The following SMG1 variants were observed in gnomAD, a reference collection of about 807,000 sequenced individuals.
SMG1 encodes the protein serine/threonine-protein kinase SMG1.
A neutral mutation model predicts 419.9 loss-of-function variants in SMG1; 22 were observed. That is an observed-to-expected ratio of 0.05 (90% CI 0.04 to 0.07). The LOEUF is 0.07. SMG1 is among the 10% of genes least tolerant of loss of function. The pLI is 1.00. For missense variants in SMG1, 3,185 were observed against 4,342.0 expected (o/e 0.73, Z 7.49); for synonymous variants, 1,538 against 1,553.5 (o/e 0.99, Z 0.23).
chr16:18,895,347 C>T (rs1300543517), intron 3 of SMG1, among the ~76,000 whole-genome samples: 1 of 152,012 alleles, frequency 6.6e-6, no homozygotes, highest in African/African-American at 2.4e-5. Context: ...GGTGTGGTGG[C>T]ATGCACCTGT....
At chr16:18,843,626 AAC>A (rs1349177699) in intron 39 of SMG1, among the ~76,000 whole-genome samples, 3 of 152,202 alleles carry the variant, frequency 2.0e-5, no homozygotes, top group African/African-American at 7.2e-5. Flanking sequence ...TAGCTACACA[AAC>A]ACACACACAA....
In SMG1 at chr16:18,859,649, T is replaced by C. The variant is rs770424285; in HGVS notation, c.3860A>G (p.Lys1287Arg). ...MLSPDPRELQ[K>R]SIEVQLLRSS... ...TCTTAACAATTGAACTTCAATGGAT[T>C]TCTGAAGTTCCCTCGGATCCGGACT... Residue 1287 changes from lysine to arginine, a missense_variant, in exon 27 of 63, where the codon AAA becomes AGA. Physicochemically the swap from Lys to Arg is conservative, Grantham distance 26 (BLOSUM62 2). Around this residue, in one of 27 missense-constraint regions of SMG1, gnomAD observed 120 missense variants for 193.3 expected, o/e 0.62. Transcript: ENST00000446231. 9 of 1,613,468 alleles carry C rather than the reference T, an allele frequency of 5.6e-6. No individual in the cohort carries two copies. Among genetic ancestry groups the C allele is most frequent in the Non-Finnish European group, 7.6e-6 (9 of 1,179,546 alleles).
intron 23 of SMG1, among the ~76,000 whole-genome samples, chr16:18,865,905 A>G (rs185018140): frequency 6.5e-4 from 99 of 151,966 alleles, no homozygotes; most frequent in African/African-American, 2.3e-3. Context: ...CAGGTGATCC[A>G]CCTGCCTCAG....
rs139420508 is a variant in SMG1, at chr16:18,862,915, C to T, written c.3695+735G>A. On this transcript the variant is annotated intron_variant, in intron 25 of 62. Transcript: ENST00000446231. Reference sequence around the variant, plus strand: ...GCCAAAGGGCATCCTGATGGGCATGCCTTGACCTTGTGTCTTCCCTCCCAA... The same window carrying T: ...GCCAAAGGGCATCCTGATGGGCATGTCTTGACCTTGTGTCTTCCCTCCCAA... Among the ~76,000 whole-genome samples the T allele has an allele frequency of 3.0e-4, 45 of 152,336 alleles. No individual in the cohort carries two copies. In the East Asian group the frequency reaches 7.7e-3, roughly 26 times the overall value.
chr16:18,832,249 C>T (rs2033236968), intron 51 of SMG1, among the ~76,000 whole-genome samples: 1 of 152,140 alleles, frequency 6.6e-6, no homozygotes, highest in Non-Finnish European at 1.5e-5. Flanking sequence ...TCACTAGGCA[C>T]AAAGAAGCTT....
intron 49 of SMG1, 71 bp from the exon 50 acceptor site, chr16:18,834,509 G>A (rs1032358504): frequency 7.1e-7 from 1 of 1,409,672 alleles, no homozygotes; most frequent in South Asian, 1.3e-5. Flanking sequence ...GCCGGGTCAA[G>A]GCCATGCCTG....
At chr16:18,881,394 C>T (rs188528340) in intron 10 of SMG1, among the ~76,000 whole-genome samples, 9 of 152,282 alleles carry the variant, frequency 5.9e-5, no homozygotes, top group Admixed American at 3.3e-4. Flanking sequence ...TCTGACATTT[C>T]TGCTCAAGTA....
intron 60 of SMG1, among the ~76,000 whole-genome samples, 154 bp downstream of exon 60, chr16:18,815,021 G>C (rs544525712): frequency 1.3e-5 from 2 of 151,732 alleles, no homozygotes; most frequent in South Asian, 2.1e-4. Flanking sequence ...CCTGGCTTAC[G>C]AGTATTTTTA....
intron 13 of SMG1, among the ~76,000 whole-genome samples, chr16:18,873,549 G>A (rs560655407): frequency 6.6e-6 from 1 of 152,194 alleles, no homozygotes; most frequent in Admixed American, 6.5e-5. Flanking sequence ...ACAGGCGCTA[G>A]TGTTGTGATG....
intron 50 of SMG1, 79 bp downstream of exon 50, chr16:18,834,125 T>C: frequency 9.5e-7 from 1 of 1,049,256 alleles, no homozygotes; most frequent in Non-Finnish European, 1.4e-6. Flanking sequence ...GAAGTCAAAT[T>C]GCTTTCCTGG....
intron 25 of SMG1, among the ~76,000 whole-genome samples, chr16:18,861,794 CAAAT>C (rs1036576236): frequency 5.9e-5 from 9 of 151,784 alleles, no homozygotes; most frequent in Non-Finnish European, 1.0e-4. Flanking sequence ...GAAAAACAAA[CAAAT>C]AAACAAAAAA....
intron 8 of SMG1, 80 bp downstream of exon 8, chr16:18,885,010 G>T: frequency 3.1e-6 from 2 of 653,654 alleles, no homozygotes; most frequent in East Asian, 2.7e-5. Context: ...TTAAAGAAAT[G>T]GTATTGATAG....
At chr16:18,832,614 A>ACACACACACAC in intron 51 of SMG1, among the ~76,000 whole-genome samples, 1 of 151,088 alleles carries the variant, frequency 6.6e-6, no homozygotes, top group African/African-American at 2.4e-5. Context: ...ACACACACAC[A>ACACACACACAC]AATAAGTGCA....
At chr16:18,909,071 G>A (rs2037692411) in intron 1 of SMG1, among the ~76,000 whole-genome samples, 2 of 151,564 alleles carry the variant, frequency 1.3e-5, no homozygotes, top group African/African-American at 4.9e-5. Context: ...GGCCAGGCAC[G>A]GTGGCTCACA....
chr16:18,815,763 ACTG>A, intron 58 of SMG1, 112 bp from the exon 59 acceptor site: 1 of 845,834 alleles, frequency 1.2e-6, no homozygotes, highest in Non-Finnish European at 1.8e-6. Flanking sequence ...GTGTGTTTAA[ACTG>A]CTTAGTTCAA....
Position 18,872,596 on chromosome 16 carries a change from G to C in SMG1, c.1919C>G (p.Ala640Gly), listed in dbSNP as rs1307196034. 4.1e-6 allele frequency: 6 copies of C among 1,478,160 alleles called. No individual in the cohort carries two copies. The South Asian group carries it at 6.3e-5, about 15-fold the overall frequency. 91.6% of individuals were successfully genotyped at this position (1,478,160 alleles called of 1,614,324 possible). Residue 640 changes from alanine (A) to glycine (G), a missense_variant, in exon 14 of 63, where the codon GCA (alanine) becomes GGA (glycine). Physicochemically the swap from Ala to Gly is moderately conservative, Grantham distance 60. Transcript: ENST00000446231. ...GMWALSPTVF[A>G]LLSKNLMIVH... ...AATCATCAGATTCTTACTCAGAAGT[G>C]CAAAGACAGTTGGAGATAGCGCCCA...
chr16:18,891,338 C>T (rs558814671), intron 4 of SMG1, among the ~76,000 whole-genome samples: 17 of 152,150 alleles, frequency 1.1e-4, no homozygotes, highest in African/African-American at 3.1e-4. Flanking sequence ...TGAACCTTCT[C>T]ATAATAAAAT....
At chr16:18,894,432 C>T (rs1417105228) in intron 3 of SMG1, among the ~76,000 whole-genome samples, 1 of 152,068 alleles carries the variant, frequency 6.6e-6, no homozygotes, top group African/African-American at 2.4e-5. Flanking sequence ...CACTAGCAAA[C>T]TACATGACCC....
At chr16:18,870,516 T>C in intron 18 of SMG1, 94 bp downstream of exon 18, 1 of 708,636 alleles carries the variant, frequency 1.4e-6, no homozygotes, top group Non-Finnish European at 2.4e-6. Flanking sequence ...GTGTCATTAA[T>C]GCTCTAATAG....
Sources: allele counts gnomAD v4.1 joint callset (sites outside exome capture counted in the v4.1 genomes callset), GRCh38; gene constraint gnomAD v4.1.1; regional missense constraint gnomAD v4.1.1; transcripts MANE v1.5; gene names NCBI Gene and HGNC (gene_info 2026-07-23, HGNC 2026-07-21).